SPON1: variants seen among roughly 807,000 people sequenced by gnomAD.
SPON1 encodes spondin-1.
SPON1 carries 52 observed loss-of-function variants against 111.7 expected under a neutral mutation model. The ratio of observed to expected loss-of-function variants is 0.47; its 90% confidence interval spans 0.37 to 0.59. The LOEUF is 0.59. SPON1 is among the 20% of genes least tolerant of loss of function. The pLI is 0.00. For synonymous variants in SPON1, 410 were observed against 395.8 expected (o/e 1.04, Z -0.43); for missense variants, 957 against 1,068.5 (o/e 0.90, Z 1.46).
intron 1 of SPON1, among the ~76,000 whole-genome samples, chr11:13,965,716 T>C (rs1848010917): frequency 6.6e-6 from 1 of 152,230 alleles, no homozygotes; most frequent in Non-Finnish European, 1.5e-5. Context: ...GCAAACCTGA[T>C]TCTGCCACTC....
chr11:14,121,251 AT>A (rs1849302742), intron 5 of SPON1, among the ~76,000 whole-genome samples: 1 of 152,212 alleles, frequency 6.6e-6, no homozygotes, highest in Non-Finnish European at 1.5e-5. Flanking sequence ...AGTTGCCTGC[AT>A]TTGTCAAAAC....
intron 2 of SPON1, among the ~76,000 whole-genome samples, chr11:14,013,875 A>G (rs537409541): frequency 6.6e-6 from 1 of 152,324 alleles, no homozygotes; most frequent in South Asian, 2.1e-4. Flanking sequence ...AAGCCCATAC[A>G]GCAATGATTT....
intron 6 of SPON1, among the ~76,000 whole-genome samples, chr11:14,141,982 C>T (rs1847662388): frequency 6.6e-6 from 1 of 152,190 alleles, no homozygotes; most frequent in Admixed American, 6.6e-5. Context: ...TGTCTAAAAG[C>T]ATTGCCTCTG....
intron 10 of SPON1, 78 bp from the exon 11 acceptor site, chr11:14,257,638 A>T: frequency 7.3e-7 from 1 of 1,363,886 alleles, no homozygotes; most frequent in South Asian, 1.6e-5. Flanking sequence ...TCTTGTCCCC[A>T]GATAAGCTGG....
chr11:14,172,810 G>C (rs1848122899), intron 6 of SPON1, among the ~76,000 whole-genome samples: 1 of 151,888 alleles, frequency 6.6e-6, no homozygotes. Flanking sequence ...TAAGAATGTT[G>C]AATATTGGCC....
At chr11:14,204,135 C>T (rs1388344373) in intron 6 of SPON1, among the ~76,000 whole-genome samples, 2 of 152,134 alleles carry the variant, frequency 1.3e-5, no homozygotes, top group Non-Finnish European at 2.9e-5. Context: ...CTTGGGAGAC[C>T]CCGATAACCT....
chr11:14,125,433 A>T (rs1271980306), intron 5 of SPON1, among the ~76,000 whole-genome samples: 1 of 152,214 alleles, frequency 6.6e-6, no homozygotes, highest in Non-Finnish European at 1.5e-5. Context: ...GGGAGCCTAG[A>T]ACTTAGAGGC....
chr11:14,109,137 T>C (rs970750346), intron 5 of SPON1, among the ~76,000 whole-genome samples: 2 of 152,148 alleles, frequency 1.3e-5, no homozygotes, highest in Admixed American at 6.5e-5. Flanking sequence ...TCTTAAACAC[T>C]CTTTACAACT....
intron 3 of SPON1, among the ~76,000 whole-genome samples, chr11:14,048,321 C>T (rs1257761570): frequency 1.3e-5 from 2 of 152,184 alleles, no homozygotes; most frequent in African/African-American, 4.8e-5. Flanking sequence ...ACCAACTGTG[C>T]TGCAGAGCCC....
intron 3 of SPON1, among the ~76,000 whole-genome samples, chr11:14,059,449 C>T (rs989218454): frequency 4.6e-5 from 7 of 152,030 alleles, no homozygotes; most frequent in Non-Finnish European, 7.4e-5. Context: ...TTTCCACCAC[C>T]GTAGACCCCC....
At position 14,259,414 on chromosome 11, in the gene SPON1, G is replaced by A; in HGVS notation, c.1627G>A (p.Glu543Lys). 6.2e-7 allele frequency: 1 copy of A among 1,610,812 alleles called. No individual in the cohort carries two copies. The highest frequency in any genetic ancestry group is 8.5e-7 in the Non-Finnish European group (1 of 1,178,788). The change falls in exon 12 of 16, where the codon GAG becomes AAG. Residue 543 changes from glutamate to lysine, a missense_variant. By Grantham distance (56) the Glu-to-Lys change is moderately conservative. Transcript: ENST00000576479. The surrounding 1 kb of genome is among the most constrained non-coding windows in gnomAD (Gnocchi z 5.0). ...EDGSVCTLPT[E>K]ETEKCTVNEE... is the part of the protein sequence containing the mutation. ...CGGCTCCGTGTGCACGCTGCCCACT[G>A]AGGAAACGGAGAAGTGCACGGTCAA... is the stretch of plus-strand genomic sequence containing the variant.
chr11:13,997,199 G>A (rs1382987568), intron 2 of SPON1, among the ~76,000 whole-genome samples: 2 of 152,126 alleles, frequency 1.3e-5, no homozygotes, highest in African/African-American at 4.8e-5. Context: ...GTCAGTGGTG[G>A]GCACACAGGT....
intron 6 of SPON1, among the ~76,000 whole-genome samples, chr11:14,145,169 A>G (rs969098007): frequency 1.3e-5 from 2 of 152,222 alleles, no homozygotes; most frequent in Admixed American, 1.3e-4. Context: ...TGAGTCTTCA[A>G]ACAAATCCAG....
At chr11:13,976,074 C>T (rs1402488516) in intron 1 of SPON1, among the ~76,000 whole-genome samples, 1 of 152,164 alleles carries the variant, frequency 6.6e-6, no homozygotes, top group East Asian at 1.9e-4. Context: ...AAGGCGATAT[C>T]ATCAACCTCT....
chr11:13,974,945 G>T (rs1366077424), intron 1 of SPON1, among the ~76,000 whole-genome samples: 1 of 152,126 alleles, frequency 6.6e-6, no homozygotes, highest in Non-Finnish European at 1.5e-5. Flanking sequence ...GCCAAGACTG[G>T]CCCATCACAC....
chr11:14,112,050 A>AT (rs1439462768), intron 5 of SPON1, among the ~76,000 whole-genome samples: 3 of 151,766 alleles, frequency 2.0e-5, no homozygotes, highest in Non-Finnish European at 2.9e-5. Context: ...AGATATTTCT[A>AT]TTAGCTGAAG....
At chr11:14,260,084 C>T (rs1171218873) in intron 13 of SPON1, among the ~76,000 whole-genome samples, 1 of 152,230 alleles carries the variant, frequency 6.6e-6, no homozygotes, top group East Asian at 1.9e-4. Flanking sequence ...GTACATTGGA[C>T]TTGGCTGATC....
chr11:14,022,390 T>C (rs576111548), intron 2 of SPON1, among the ~76,000 whole-genome samples: 1 of 152,214 alleles, frequency 6.6e-6, no homozygotes, highest in South Asian at 2.1e-4. Context: ...TCTTAGTCAT[T>C]ACTTACTCAT....
chr11:14,122,252 C>A lies in SPON1; in HGVS notation c.677-13168C>A, dbSNP rs375780913. Among the ~76,000 whole-genome samples, 27 of 152,274 alleles carry A rather than the reference C, an allele frequency of 1.8e-4. No homozygotes were observed. In the East Asian group the frequency reaches 5.0e-3, roughly 28 times the overall value. On this transcript the variant is annotated intron_variant, in intron 5 of 15. Transcript: ENST00000576479. ...TGCAGTGCACGATCTCGGCCCACTG[C>A]AAGCTCTACCTCCCAGGTTCATACC...
Sources: gnomAD v4.1 joint callset for allele counts (sites outside exome capture counted in the v4.1 genomes callset) on GRCh38, gnomAD v4.1.1 for gene constraint, Gnocchi (gnomAD v3.1) non-coding constraint, MANE v1.5 for transcripts, NCBI Gene and HGNC (gene_info 2026-07-23, HGNC 2026-07-21) for gene names.